TMEM108: variants seen among roughly 807,000 people sequenced by gnomAD.
TMEM108 encodes transmembrane protein 108, also known as cancer/testis antigen 124.
Under a neutral mutation model 35.1 loss-of-function variants are expected in TMEM108, and 12 were observed. The observed-to-expected ratio is 0.34, with a 90% confidence interval of 0.22 to 0.55. The LOEUF is 0.55. Among genes scored for constraint, TMEM108 ranks in the 20% least tolerant of loss-of-function variants. The pLI is 0.89. For missense variants in TMEM108, 680 were observed against 753.3 expected (o/e 0.90, Z 1.14); for synonymous variants, 287 against 308.6 (o/e 0.93, Z 0.73).
intron 2 of TMEM108, among the ~76,000 whole-genome samples, chr3:133,163,756 G>A (rs1217070552): frequency 6.6e-6 from 1 of 152,146 alleles, no homozygotes; most frequent in Admixed American, 6.5e-5. Context: ...ATGCTCAGGG[G>A]CCTGAATCTA....
intron 2 of TMEM108, among the ~76,000 whole-genome samples, chr3:133,079,748 A>G (rs368398951): frequency 4.6e-5 from 7 of 152,324 alleles, no homozygotes; most frequent in East Asian, 1.9e-4. Flanking sequence ...CCAGCAAAGT[A>G]TCATTCTGAA....
chr3:133,331,993 A>G (rs777571421), intron 3 of TMEM108, among the ~76,000 whole-genome samples: 3 of 152,216 alleles, frequency 2.0e-5, no homozygotes, highest in Non-Finnish European at 2.9e-5. Context: ...TTGAGTTTCT[A>G]CAGCACATTC....
intron 3 of TMEM108, among the ~76,000 whole-genome samples, chr3:133,232,935 C>G (rs1440105057): frequency 6.6e-6 from 1 of 151,666 alleles, no homozygotes; most frequent in Admixed American, 6.6e-5. Context: ...TTTCTGAGAC[C>G]TAAATAATCA....
intron 3 of TMEM108, among the ~76,000 whole-genome samples, chr3:133,288,282 A>G (rs1947012968): frequency 6.6e-6 from 1 of 152,190 alleles, no homozygotes; most frequent in Non-Finnish European, 1.5e-5. Context: ...TGATGCAGTT[A>G]ATTAAGTAAA....
chr3:133,054,571 A>G (rs1943443185), intron 2 of TMEM108, among the ~76,000 whole-genome samples: 1 of 152,228 alleles, frequency 6.6e-6, no homozygotes, highest in Non-Finnish European at 1.5e-5. Flanking sequence ...ACAAATGTTG[A>G]CATTTGGTGG....
At chr3:133,058,712 G>A (rs1468145217) in intron 2 of TMEM108, among the ~76,000 whole-genome samples, 2 of 151,516 alleles carry the variant, frequency 1.3e-5, no homozygotes, top group South Asian at 2.1e-4. Flanking sequence ...TGCTTCTTAG[G>A]CTGGGGGACT....
chr3:133,142,230 AT>A (rs1186023692), intron 2 of TMEM108, among the ~76,000 whole-genome samples: 1 of 152,234 alleles, frequency 6.6e-6, no homozygotes, highest in Non-Finnish European at 1.5e-5. Context: ...CACACCTAAT[AT>A]AATATAATCC....
At chr3:133,134,090 C>T (rs1409219887) in intron 2 of TMEM108, among the ~76,000 whole-genome samples, 1 of 151,742 alleles carries the variant, frequency 6.6e-6, no homozygotes, top group Non-Finnish European at 1.5e-5. Context: ...AAGCTGAATA[C>T]TATTCTATAT....
At chr3:133,267,491 A>G (rs896279015) in intron 3 of TMEM108, among the ~76,000 whole-genome samples, 6 of 152,224 alleles carry the variant, frequency 3.9e-5, no homozygotes, top group Non-Finnish European at 5.9e-5. Context: ...GGCCAGCACT[A>G]TGTGGGAAAC....
At chr3:133,326,331 C>G (rs2071332867) in intron 3 of TMEM108, among the ~76,000 whole-genome samples, 1 of 152,130 alleles carries the variant, frequency 6.6e-6, no homozygotes, top group African/African-American at 2.4e-5. Context: ...TATTCTGGGT[C>G]TTTGGCTTTT....
At chr3:133,309,411 A>G (rs2107710006) in intron 3 of TMEM108, among the ~76,000 whole-genome samples, 1 of 151,954 alleles carries the variant, frequency 6.6e-6, no homozygotes, top group South Asian at 2.1e-4. Context: ...TAGCTTTTGA[A>G]TTTGTTTGCC....
intron 2 of TMEM108, among the ~76,000 whole-genome samples, chr3:133,121,111 C>T (rs1162696488): frequency 6.6e-6 from 1 of 152,194 alleles, no homozygotes; most frequent in Non-Finnish European, 1.5e-5. Flanking sequence ...GACTGTACAG[C>T]ACTTGAACCC....
At chr3:133,056,466 A>G (rs535029264) in intron 2 of TMEM108, among the ~76,000 whole-genome samples, 1 of 152,356 alleles carries the variant, frequency 6.6e-6, no homozygotes, top group Non-Finnish European at 1.5e-5. Flanking sequence ...AATGGGAATC[A>G]TAACTACCTT....
At chr3:133,238,624 G>T (rs1946271811) in intron 3 of TMEM108, among the ~76,000 whole-genome samples, 1 of 152,104 alleles carries the variant, frequency 6.6e-6, no homozygotes, top group Non-Finnish European at 1.5e-5. Flanking sequence ...GGGCCTCATG[G>T]AACAAAAGAA....
At position 133,302,666 on chromosome 3, in the gene TMEM108, C is replaced by T. The variant is rs536254893; in HGVS notation, c.40+73315C>T. ...CGATCTCCTGACCTCATGATCCTCC[C>T]GCCTCGGCCTCCCAAAGTGCTGGGA... On this transcript the variant is annotated intron_variant, in intron 3 of 5. Coordinates refer to ENST00000321871, the MANE Select transcript of TMEM108 (RefSeq NM_023943.4). Among the ~76,000 whole-genome samples the T allele has an allele frequency of 5.3e-5, 8 of 152,122 alleles. No homozygotes were observed. The South Asian group carries it at 8.3e-4, about 16-fold the overall frequency.
chr3:133,172,682 T>A (rs1945147706), intron 2 of TMEM108, among the ~76,000 whole-genome samples: 1 of 152,200 alleles, frequency 6.6e-6, no homozygotes, highest in Admixed American at 6.5e-5. Context: ...ACCAAAAAGT[T>A]GGTACATGGT....
intron 3 of TMEM108, among the ~76,000 whole-genome samples, chr3:133,371,460 A>T (rs1202530295): frequency 6.6e-6 from 1 of 152,006 alleles, no homozygotes; most frequent in African/African-American, 2.4e-5. Context: ...TCCTTTCCAC[A>T]TGGGCCCCTC....
chr3:133,216,970 G>T (rs1235548563), intron 2 of TMEM108, among the ~76,000 whole-genome samples: 1 of 152,002 alleles, frequency 6.6e-6, no homozygotes, highest in African/African-American at 2.4e-5. Flanking sequence ...TGGATTATGT[G>T]GTAGTTTTAG....
intron 2 of TMEM108, among the ~76,000 whole-genome samples, chr3:133,177,891 C>A (rs572513258): frequency 1.1e-4 from 17 of 152,280 alleles, no homozygotes; most frequent in African/African-American, 4.1e-4. Context: ...TTGCAGATGA[C>A]ATGATTGTAT....
Sources: allele counts gnomAD v4.1 joint callset (sites outside exome capture counted in the v4.1 genomes callset), GRCh38; gene constraint gnomAD v4.1.1; transcripts MANE v1.5; gene names NCBI Gene and HGNC (gene_info 2026-07-23, HGNC 2026-07-21).